The following XRN1 variants were observed in gnomAD, a reference collection of about 807,000 sequenced individuals.
XRN1 encodes the protein 5'-3' exoribonuclease 1.
XRN1 carries 67 observed loss-of-function variants against 222.3 expected under a neutral mutation model. The ratio of observed to expected loss-of-function variants is 0.30; its 90% CI spans 0.25 to 0.37. The LOEUF (loss-of-function observed/expected upper bound fraction) is 0.37. Ranked by LOEUF, XRN1 falls within the 10% of genes least tolerant of loss-of-function variation. The pLI, the probability that XRN1 is intolerant of heterozygous loss-of-function variation, is 1.00. For synonymous variants in XRN1, 643 were observed against 652.4 expected, an observed-to-expected ratio of 0.99 and a Z score of 0.22; for missense variants, 1,707 against 2,000.2, an observed-to-expected ratio of 0.85 and a Z score of 2.80.
At chr3:142,346,369 T>A (rs558128021) in intron 33 of XRN1, among the ~76,000 whole-genome samples, 1 of 152,308 alleles carries the variant, frequency 6.6e-6, no homozygotes, top group African/African-American at 2.4e-5. Flanking sequence ...ATCCCTAGAT[T>A]ACTTATAATG....
chr3:142,338,345 C>T (rs1198001785), intron 33 of XRN1, among the ~76,000 whole-genome samples: 1 of 152,168 alleles, frequency 6.6e-6, no homozygotes, highest in African/African-American at 2.4e-5. Context: ...CATCTCTAGA[C>T]ACGCCCTGGG....
intron 38 of XRN1, 25 bp downstream of exon 38, chr3:142,318,765 T>C: frequency 3.7e-6 from 6 of 1,612,450 alleles, no homozygotes; most frequent in Non-Finnish European, 5.1e-6. Context: ...AAAATTTTAA[T>C]AGAGAAGTCA....
Position 142,308,759 on chromosome 3 carries a change from G to C in XRN1, c.*2752C>G, listed in dbSNP as rs1577192833. 1 of 152,132 alleles carries C rather than the reference G, an allele frequency of 6.6e-6. No individual in the cohort carries two copies. The highest frequency in any genetic ancestry group is 6.5e-5 in the Admixed American group (1 of 15,272). 9.4% of individuals were successfully genotyped at this position (152,132 alleles called of 1,614,324 possible). ...ATAATGTTTCAGTTAGGAGACAAAG[G>C]CTTAAATAGATTGAAGTGCTCTAGT... On this transcript the variant is annotated 3_prime_UTR_variant, in exon 41 of 41. Transcript: ENST00000392981.
chr3:142,349,512 A>T (rs991342383), intron 32 of XRN1, among the ~76,000 whole-genome samples: 1 of 151,740 alleles, frequency 6.6e-6, no homozygotes, highest in Non-Finnish European at 1.5e-5. Flanking sequence ...AAATAATATA[A>T]TATTATTATT....
intron 20 of XRN1, among the ~76,000 whole-genome samples, chr3:142,396,537 C>T (rs1156419732): frequency 6.6e-6 from 1 of 152,108 alleles, no homozygotes; most frequent in Non-Finnish European, 1.5e-5. Flanking sequence ...ATATGCTCTA[C>T]CTCTCGAGAG....
At chr3:142,368,280 C>A (rs2066880853) in intron 27 of XRN1, among the ~76,000 whole-genome samples, 1 of 152,062 alleles carries the variant, frequency 6.6e-6, no homozygotes, top group Admixed American at 6.5e-5. Flanking sequence ...TCCCGAGTAG[C>A]TGGGATTACA....
chr3:142,312,135 G>C (rs1167523518), intron 40 of XRN1, among the ~76,000 whole-genome samples: 10 of 152,004 alleles, frequency 6.6e-5, no homozygotes. Flanking sequence ...AAACTAGACA[G>C]GCATGGTGGC....
intron 31 of XRN1, 103 bp downstream of exon 31, chr3:142,356,808 TA>T: frequency 7.8e-7 from 1 of 1,274,406 alleles, no homozygotes; most frequent in African/African-American, 1.5e-5. Context: ...ACTTTTTAAA[TA>T]AAAGAGGGAA....
intron 22 of XRN1, among the ~76,000 whole-genome samples, chr3:142,382,007 A>C (rs893611713): frequency 6.6e-6 from 1 of 152,250 alleles, no homozygotes; most frequent in African/African-American, 2.4e-5. Flanking sequence ...GTACATTCAC[A>C]GCCAGAATAC....
At chr3:142,370,407 C>A in intron 27 of XRN1, 78 bp downstream of exon 27, 1 of 1,450,926 alleles carries the variant, frequency 6.9e-7, no homozygotes, top group Non-Finnish European at 9.3e-7. Context: ...TTGGTTGAAA[C>A]ACAAATGAAT....
intron 2 of XRN1, among the ~76,000 whole-genome samples, chr3:142,427,729 T>A (rs1249789166): frequency 6.6e-6 from 1 of 152,242 alleles, no homozygotes; most frequent in Admixed American, 6.5e-5. Flanking sequence ...AGTTTTACAG[T>A]CAGGCAAACC....
chr3:142,311,618 A>AGAGATATACTAT lies in XRN1; in HGVS notation c.4977_4978insATAGTATATCTC (p.Ala1659_Ser1660insIleValTyrLeu). ...TGGTGAGATATACTATGGCCTTGAG[A>AGAGATATACTAT]GGCAGTTTCAACTTGAAAAGAAGAT... On this transcript the variant is annotated inframe_insertion, in exon 41 of 41. Transcript: ENST00000392981. 6.2e-7 allele frequency: 1 copy of AGAGATATACTAT among 1,614,136 alleles called. No homozygotes were observed. The highest frequency in any genetic ancestry group is 8.5e-7 in the Non-Finnish European group (1 of 1,180,004).
intron 33 of XRN1, among the ~76,000 whole-genome samples, chr3:142,336,895 A>G (rs2065865859): frequency 6.6e-6 from 1 of 152,140 alleles, no homozygotes; most frequent in Admixed American, 6.5e-5. Flanking sequence ...ATTTACAGGG[A>G]CATTAATCTG....
chr3:142,384,524 T>C lies in XRN1; in HGVS notation c.2501A>G (p.Lys834Arg). The C allele has an allele frequency of 6.2e-7, 1 of 1,609,924 alleles. No homozygotes were observed. Among genetic ancestry groups the C allele is most frequent in the Non-Finnish European group, 8.5e-7 (1 of 1,178,566 alleles). Residue 834 changes from lysine (K) to arginine (R), a missense_variant and splice_region_variant, in exon 21 of 41, where the codon AAG becomes AGG. This residue lies in a region of XRN1 where 1,234 missense variants were observed against 1,518.2 expected (regional missense o/e 0.81). Coordinates refer to ENST00000392981, the MANE Select transcript of XRN1 (RefSeq NM_001282857.2). Reference sequence around the variant, plus strand: ...AATTGAAACTTGATATAGACTTACCTTGACAATAGTTTGATAAACAAAAGG... The same window carrying C: ...AATTGAAACTTGATATAGACTTACCCTGACAATAGTTTGATAAACAAAAGG... ...VVPFVYQTIV[K>R]DIRAFDSRFS...
chr3:142,323,141 T>C lies in XRN1; in HGVS notation c.4405-4238A>G, dbSNP rs143350279. Among the ~76,000 whole-genome samples, 153 of 152,324 alleles carry C rather than the reference T, an allele frequency of 1.0e-3. 1 individual carries two copies. Among genetic ancestry groups the C allele is most frequent in the African/African-American group, 3.4e-3 (143 of 41,588 alleles). On this transcript the variant is annotated intron_variant, in intron 37 of 40. Transcript: ENST00000392981. ...AGCGCATGATTATATTGAGGTGCTA[T>C]GCTCTTTTTCGCATTACTTTTTCTT...
intron 33 of XRN1, among the ~76,000 whole-genome samples, chr3:142,339,889 G>T (rs1007270361): frequency 6.6e-6 from 1 of 152,112 alleles, no homozygotes; most frequent in Non-Finnish European, 1.5e-5. Flanking sequence ...CACAGAGAAA[G>T]AATCAGAATT....
At chr3:142,422,066 C>T (rs947622953) in intron 8 of XRN1, among the ~76,000 whole-genome samples, 2 of 151,976 alleles carry the variant, frequency 1.3e-5, no homozygotes, top group Non-Finnish European at 1.5e-5. Flanking sequence ...AAGATTAGAC[C>T]GGGTGTGGTG....
intron 39 of XRN1, chr3:142,313,170 C>T (rs769616091): frequency 5.0e-6 from 8 of 1,612,566 alleles, no homozygotes; most frequent in South Asian, 1.1e-5. Context: ...CATAGTGATC[C>T]CAGCCTACAA....
chr3:142,437,180 T>C (rs974941095), intron 1 of XRN1, among the ~76,000 whole-genome samples: 12 of 152,370 alleles, frequency 7.9e-5, no homozygotes, highest in African/African-American at 1.2e-4. Flanking sequence ...AGTTATTACA[T>C]TGGCAAGTTA....
Sources: gnomAD v4.1 joint callset for allele counts (sites outside exome capture counted in the v4.1 genomes callset) on GRCh38, gnomAD v4.1.1 for gene constraint, gnomAD v4.1.1 regional missense constraint, MANE v1.5 for transcripts, NCBI Gene and HGNC (gene_info 2026-07-23, HGNC 2026-07-21) for gene names.